RSRC1: variants seen among roughly 807,000 people sequenced by gnomAD.
RSRC1 encodes arginine and serine rich coiled-coil 1.
Under a neutral mutation model 49.1 loss-of-function variants are expected in RSRC1, and 39 were observed. The ratio of observed to expected loss-of-function variants is 0.79; its 90% CI spans 0.61 to 1.04. RSRC1 has a LOEUF of 1.04. Ranked by LOEUF, RSRC1 falls within the 50% of genes least tolerant of loss-of-function variation. RSRC1 has a pLI of 0.00. For missense variants in RSRC1, 388 were observed against 402.4 expected (o/e 0.96, Z 0.31); for synonymous variants, 143 against 130.8 (o/e 1.09, Z -0.63).
chr3:158,537,075 T>A lies in RSRC1; in HGVS notation c.653-17T>A, dbSNP rs776893599. ...TGCTTACACCAAAATACGCTGACAT[T>A]ATACCCTCTTTTTCAGACCAAGCCA... On this transcript the variant is annotated splice_polypyrimidine_tract_variant and intron_variant, in intron 7 of 9. Coordinates refer to ENST00000611884, the MANE Select transcript of RSRC1 (RefSeq NM_001271838.2). 5.8e-6 allele frequency: 9 copies of A among 1,554,096 alleles called. No individual in the cohort carries two copies. Among genetic ancestry groups the A allele is most frequent in the Non-Finnish European group, 7.1e-6 (8 of 1,127,120 alleles).
At chr3:158,308,201 G>C (rs1727942925) in intron 5 of RSRC1, among the ~76,000 whole-genome samples, 1 of 151,856 alleles carries the variant, frequency 6.6e-6, no homozygotes, top group South Asian at 2.1e-4. Context: ...ATTTTCTTTG[G>C]CATCATCATA....
intron 7 of RSRC1, among the ~76,000 whole-genome samples, chr3:158,475,471 A>G (rs373578060): frequency 3.3e-5 from 5 of 152,336 alleles, no homozygotes; most frequent in South Asian, 2.1e-4. Flanking sequence ...GCAACCCTGC[A>G]TTGAACAAGT....
chr3:158,491,281 A>G (rs909278176), intron 7 of RSRC1, among the ~76,000 whole-genome samples: 1 of 152,214 alleles, frequency 6.6e-6, no homozygotes, highest in African/African-American at 2.4e-5. Flanking sequence ...AATTTCACAA[A>G]TGTAAAAATG....
chr3:158,473,994 A>G (rs1289518677), intron 7 of RSRC1, among the ~76,000 whole-genome samples: 1 of 152,156 alleles, frequency 6.6e-6, no homozygotes, highest in Non-Finnish European at 1.5e-5. Context: ...CAGGTTTTGT[A>G]TGATATGTTG....
chr3:158,349,075 C>CTTT (rs142512984), intron 5 of RSRC1, among the ~76,000 whole-genome samples: 29 of 150,828 alleles, frequency 1.9e-4, no homozygotes, highest in African/African-American at 6.8e-4. Context: ...AGAATGATCT[C>CTTT]TTTTTTTTTG....
intron 6 of RSRC1, among the ~76,000 whole-genome samples, chr3:158,387,426 G>C (rs114134930): frequency 0.019 from 2,897 of 152,200 alleles, 73 homozygotes; most frequent in African/African-American, 0.066. Context: ...CAGCCTATCA[G>C]TCAAATAATA....
chr3:158,269,911 T>G (rs975073645), intron 4 of RSRC1, among the ~76,000 whole-genome samples: 6 of 152,184 alleles, frequency 3.9e-5, no homozygotes, highest in Non-Finnish European at 8.8e-5. Flanking sequence ...TTTCTTGGCT[T>G]CTAATGTAAT....
chr3:158,356,908 A>G (rs972579167), intron 6 of RSRC1, among the ~76,000 whole-genome samples: 2 of 152,178 alleles, frequency 1.3e-5, no homozygotes, highest in Non-Finnish European at 2.9e-5. Flanking sequence ...CAGACCTCAC[A>G]GTGTATAACT....
intron 4 of RSRC1, among the ~76,000 whole-genome samples, chr3:158,219,442 C>A (rs698981): frequency 0.65 from 98,151 of 151,374 alleles, 32,114 homozygotes; most frequent in East Asian, 0.84. Context: ...CCTATTCTTT[C>A]CCTAAAAATC....
chr3:158,493,595 A>T (rs1467957262), intron 7 of RSRC1, among the ~76,000 whole-genome samples: 1 of 152,238 alleles, frequency 6.6e-6, no homozygotes, highest in Non-Finnish European at 1.5e-5. Flanking sequence ...AGAATAATTC[A>T]CATATCAAGC....
At chr3:158,434,749 T>C (rs1313198629) in intron 6 of RSRC1, among the ~76,000 whole-genome samples, 1 of 152,008 alleles carries the variant, frequency 6.6e-6, no homozygotes, top group Non-Finnish European at 1.5e-5. Flanking sequence ...CATTGACTTT[T>C]CATCATATTT....
chr3:158,452,499 G>A (rs1371881138), intron 6 of RSRC1, among the ~76,000 whole-genome samples: 1 of 152,168 alleles, frequency 6.6e-6, no homozygotes, highest in Admixed American at 6.5e-5. Flanking sequence ...ATGATAGGAT[G>A]AGCAGTGCTG....
intron 6 of RSRC1, among the ~76,000 whole-genome samples, chr3:158,383,638 C>G (rs1578411573): frequency 6.6e-6 from 1 of 152,092 alleles, no homozygotes; most frequent in South Asian, 2.1e-4. Flanking sequence ...GAATACTCAC[C>G]AACTATGATG....
intron 7 of RSRC1, among the ~76,000 whole-genome samples, chr3:158,504,732 G>A (rs114928807): frequency 0.012 from 1,809 of 152,264 alleles, 45 homozygotes; most frequent in African/African-American, 0.041. Context: ...GTATCCAAAT[G>A]TTAGCTGGAG....
At chr3:158,148,402 T>C (rs1379733116) in intron 3 of RSRC1, among the ~76,000 whole-genome samples, 2 of 151,902 alleles carry the variant, frequency 1.3e-5, no homozygotes, top group Non-Finnish European at 2.9e-5. Flanking sequence ...ACATGAGGTG[T>C]AACTGGAAGC....
intron 1 of RSRC1, among the ~76,000 whole-genome samples, chr3:158,118,462 T>TGTGTGTGCGCGCGCGC (rs1491469875): frequency 1.4e-4 from 17 of 124,712 alleles, no homozygotes; most frequent in African/African-American, 3.3e-4. Context: ...TGTGTGTGTG[T>TGTGTGTGCGCGCGCGC]GCGCGTGCGC....
At chr3:158,178,626 G>C (rs1719397242) in intron 3 of RSRC1, among the ~76,000 whole-genome samples, 1 of 151,798 alleles carries the variant, frequency 6.6e-6, no homozygotes, top group Non-Finnish European at 1.5e-5. Context: ...TGTTTTTCTG[G>C]CTATTCTTGG....
intron 7 of RSRC1, among the ~76,000 whole-genome samples, chr3:158,502,319 G>A (rs1382909164): frequency 3.3e-5 from 5 of 152,028 alleles, no homozygotes. Flanking sequence ...CTTAACTTTG[G>A]ATAACCTGAT....
intron 5 of RSRC1, among the ~76,000 whole-genome samples, chr3:158,350,125 G>T (rs1354903281): frequency 7.0e-6 from 1 of 143,454 alleles, no homozygotes; most frequent in Non-Finnish European, 1.5e-5. Flanking sequence ...TTGGGTGTTG[G>T]TTTTTGTTTG....
Sources: allele counts gnomAD v4.1 joint callset (sites outside exome capture counted in the v4.1 genomes callset), GRCh38; gene constraint gnomAD v4.1.1; transcripts MANE v1.5; gene names NCBI Gene and HGNC (gene_info 2026-07-23, HGNC 2026-07-21).